GPC5: variants seen among roughly 807,000 people sequenced by gnomAD.
GPC5 encodes glypican 5.
A neutral mutation model predicts 53.9 loss-of-function variants in GPC5; 47 were observed. That is an observed-to-expected ratio of 0.87 (90% CI 0.69 to 1.11). The LOEUF is 1.11. Among genes scored for constraint, GPC5 ranks in the 50% most tolerant of loss-of-function variants. The pLI, the probability that GPC5 is intolerant of heterozygous loss-of-function variation, is 0.00. For missense variants in GPC5, 748 were observed against 713.1 expected (o/e 1.05, Z -0.56); for synonymous variants, 286 against 263.3 (o/e 1.09, Z -0.84).
intron 3 of GPC5, among the ~76,000 whole-genome samples, chr13:91,703,513 C>T (rs560320122): frequency 5.1e-4 from 77 of 152,192 alleles, no homozygotes; most frequent in African/African-American, 1.7e-3. Context: ...CCTTGCATCC[C>T]AGGGATAAAT....
intron 7 of GPC5, among the ~76,000 whole-genome samples, chr13:92,750,101 GT>G (rs1346770331): frequency 1.3e-5 from 2 of 152,104 alleles, no homozygotes; most frequent in African/African-American, 4.8e-5. Context: ...ATTTGAATAA[GT>G]GTCTGCATAA....
intron 7 of GPC5, among the ~76,000 whole-genome samples, chr13:92,773,820 A>G (rs762798458): frequency 6.6e-6 from 1 of 152,204 alleles, no homozygotes; most frequent in Non-Finnish European, 1.5e-5. Flanking sequence ...AGCTTCTAAT[A>G]AAGACATACC....
intron 7 of GPC5, among the ~76,000 whole-genome samples, chr13:92,700,923 G>T (rs1887715997): frequency 6.6e-6 from 1 of 151,998 alleles, no homozygotes; most frequent in Non-Finnish European, 1.5e-5. Context: ...CAGGTTACAG[G>T]TATCTTTCTT....
At chr13:92,734,219 T>C (rs1034354369) in intron 7 of GPC5, among the ~76,000 whole-genome samples, 6 of 151,812 alleles carry the variant, frequency 4.0e-5, no homozygotes, top group Non-Finnish European at 8.8e-5. Context: ...CCAGGGTACC[T>C]TCTGACTCTT....
At chr13:92,089,814 A>C (rs2041365217) in intron 6 of GPC5, among the ~76,000 whole-genome samples, 1 of 152,152 alleles carries the variant, frequency 6.6e-6, no homozygotes, top group Non-Finnish European at 1.5e-5. Context: ...TTCCTTTATA[A>C]ACTTCTAAAT....
intron 7 of GPC5, among the ~76,000 whole-genome samples, chr13:92,748,365 G>A (rs902237269): frequency 2.8e-5 from 4 of 142,684 alleles, no homozygotes; most frequent in Non-Finnish European, 4.5e-5. Flanking sequence ...ATGGAGTCTC[G>A]CTCTGTCACC....
intron 7 of GPC5, among the ~76,000 whole-genome samples, chr13:92,201,796 A>G (rs560371426): frequency 2.4e-4 from 37 of 152,322 alleles, no homozygotes; most frequent in African/African-American, 8.7e-4. Flanking sequence ...AGCATGTGAA[A>G]CCTTGCCAGG....
chr13:92,771,542 A>G (rs919532607), intron 7 of GPC5, among the ~76,000 whole-genome samples: 1 of 151,828 alleles, frequency 6.6e-6, no homozygotes, highest in Non-Finnish European at 1.5e-5. Context: ...ATGGGGTTTC[A>G]CCATCTTAGC....
intron 7 of GPC5, among the ~76,000 whole-genome samples, chr13:92,750,528 A>G (rs1172489835): frequency 6.6e-6 from 1 of 152,190 alleles, no homozygotes; most frequent in East Asian, 1.9e-4. Context: ...AAAAAAGAAA[A>G]TAGATTATGT....
chr13:91,640,092 T>C (rs547987545), intron 2 of GPC5, among the ~76,000 whole-genome samples: 1 of 152,156 alleles, frequency 6.6e-6, no homozygotes, highest in East Asian at 1.9e-4. Flanking sequence ...TTAAAGCAAG[T>C]CAAATGAATG....
chr13:92,445,765 G>A (rs953645560), intron 7 of GPC5, among the ~76,000 whole-genome samples: 7 of 151,954 alleles, frequency 4.6e-5, no homozygotes, highest in South Asian at 2.1e-4. Flanking sequence ...GAATAATGCC[G>A]CAATAAACAT....
chr13:92,597,284 G>A (rs1350023295), intron 7 of GPC5, among the ~76,000 whole-genome samples: 1 of 150,684 alleles, frequency 6.6e-6, no homozygotes, highest in African/African-American at 2.4e-5. Context: ...TTTTAAAAAG[G>A]ATGTAGAGAA....
At chr13:92,155,923 C>T (rs1307227212) in intron 7 of GPC5, among the ~76,000 whole-genome samples, 2 of 152,124 alleles carry the variant, frequency 1.3e-5, no homozygotes, top group African/African-American at 4.8e-5. Flanking sequence ...TTGCAGAGAT[C>T]ATAACAGAAT....
chr13:92,773,200 ATACT>A (rs986810000), intron 7 of GPC5, among the ~76,000 whole-genome samples: 7 of 152,204 alleles, frequency 4.6e-5, no homozygotes, highest in African/African-American at 1.7e-4. Flanking sequence ...ATTCTCTTTA[ATACT>A]TACTATCAGC....
chr13:92,316,953 C>T (rs960068324), intron 7 of GPC5, among the ~76,000 whole-genome samples: 1 of 152,080 alleles, frequency 6.6e-6, no homozygotes, highest in African/African-American at 2.4e-5. Context: ...CCATAACGTG[C>T]TAATGAACTG....
intron 1 of GPC5, among the ~76,000 whole-genome samples, chr13:91,432,240 T>A (rs1879543687): frequency 6.6e-6 from 1 of 151,504 alleles, no homozygotes; most frequent in African/African-American, 2.4e-5. Flanking sequence ...TGTGTGTGTG[T>A]GTGTGTGTGT....
intron 3 of GPC5, among the ~76,000 whole-genome samples, chr13:91,718,448 T>G (rs1220517003): frequency 6.6e-6 from 1 of 152,046 alleles, no homozygotes; most frequent in Admixed American, 6.5e-5. Context: ...CAGTGGCTTT[T>G]TTTTCCCTTC....
At chr13:92,362,601 C>T (rs1014668188) in intron 7 of GPC5, among the ~76,000 whole-genome samples, 1 of 151,654 alleles carries the variant, frequency 6.6e-6, no homozygotes, top group Admixed American at 6.6e-5. Flanking sequence ...AAAATTCTTC[C>T]CCTGCCTTTG....
At chr13:92,255,378 T>G (rs2042719949) in intron 7 of GPC5, among the ~76,000 whole-genome samples, 1 of 152,162 alleles carries the variant, frequency 6.6e-6, no homozygotes, top group Admixed American at 6.6e-5. Context: ...AGAAACCATC[T>G]TTGAGTCAGT....
Sources: allele counts gnomAD v4.1 joint callset (sites outside exome capture counted in the v4.1 genomes callset), GRCh38; gene constraint gnomAD v4.1.1; transcripts MANE v1.5; gene names NCBI Gene and HGNC (gene_info 2026-07-23, HGNC 2026-07-21).